PCNT: variants seen among roughly 807,000 people sequenced by gnomAD.
PCNT encodes kendrin.
Under a neutral mutation model 380.4 loss-of-function variants are expected in PCNT, and 319 were observed. That is an observed-to-expected ratio of 0.84 (90% CI 0.77 to 0.92). The LOEUF (loss-of-function observed/expected upper bound fraction) is 0.92, where lower values mean the gene tolerates loss of function less well. Among genes scored for constraint, PCNT ranks in the 40% least tolerant of loss-of-function variants. The pLI, the probability that PCNT is intolerant of heterozygous loss-of-function variation, is 0.00. For synonymous variants in PCNT, 1,845 were observed against 1,735.2 expected (o/e 1.06, Z -1.57); for missense variants, 4,400 against 4,255.3 (o/e 1.03, Z -0.95).
rs1410145899 is a variant in PCNT, at chr21:46,426,082, T to TTC, written c.7320+112_7320+113insCT. 175 of 1,165,912 alleles carry TTC rather than the reference T, an allele frequency of 1.5e-4. 2 individuals are homozygous for TTC. Among genetic ancestry groups the TTC allele is most frequent in the Admixed American group, 6.9e-4 (28 of 40,484 alleles). 72.2% of individuals were successfully genotyped at this position (1,165,912 alleles called of 1,614,324 possible). A position where few individuals can be genotyped will look rare whatever the true frequency, so the allele number is the denominator to read the frequency against. ...TAGGATTTCTTTCTTTTTTTTTTTT[T>TTC]TTTTTTTTTTTTTTGAGACTCGGCT... On this transcript the variant is annotated intron_variant, in intron 33 of 46. Transcript: ENST00000359568.
intron 35 of PCNT, among the ~76,000 whole-genome samples, chr21:46,429,416 G>C (rs28667455): frequency 2.3e-4 from 34 of 146,472 alleles, no homozygotes; most frequent in African/African-American, 8.2e-4. Flanking sequence ...GGCATGGGGG[G>C]GCTGGCGCTG....
chr21:46,402,533 G>C, intron 27 of PCNT, 50 bp downstream of exon 27: 2 of 1,598,800 alleles, frequency 1.3e-6, no homozygotes, highest in East Asian at 2.2e-5. Context: ...TGCTTATGCC[G>C]GTGCCGAGCG....
At chr21:46,341,955 T>TA (rs1395768429) in intron 3 of PCNT, among the ~76,000 whole-genome samples, 2 of 151,380 alleles carry the variant, frequency 1.3e-5, no homozygotes, top group Non-Finnish European at 2.9e-5. Flanking sequence ...TATTTTTTTT[T>TA]TTTTGAGATG....
In PCNT at chr21:46,385,987, A is replaced by C; in HGVS notation, c.3464+4A>C. On this transcript the variant is annotated splice_donor_region_variant and intron_variant, in intron 17 of 46. Coordinates refer to ENST00000359568, the MANE Select transcript of PCNT (RefSeq NM_006031.6). ...TCAACCTGTCCCACAGCGAAAGGTCAGTGTGTCCTCGGCACCGAGGCTGCC... is the reference window on the plus strand; with the variant it reads ...TCAACCTGTCCCACAGCGAAAGGTCCGTGTGTCCTCGGCACCGAGGCTGCC... 1 of 1,614,000 alleles carries C rather than the reference A, an allele frequency of 6.2e-7. No individual in the cohort carries two copies. The highest frequency in any genetic ancestry group is 8.5e-7 in the Non-Finnish European group (1 of 1,180,000).
At chr21:46,360,023 A>T (rs2084647067) in intron 13 of PCNT, among the ~76,000 whole-genome samples, 1 of 150,816 alleles carries the variant, frequency 6.6e-6, no homozygotes, top group African/African-American at 2.4e-5. Context: ...TGCTGAGCTA[A>T]TTTTTGTATT....
chr21:46,336,863 CCA>C (rs1029667294), intron 3 of PCNT, among the ~76,000 whole-genome samples: 1 of 146,080 alleles, frequency 6.8e-6, no homozygotes, highest in African/African-American at 2.5e-5. Flanking sequence ...TAATCCAGCA[CCA>C]CAGAGTTCAT....
intron 15 of PCNT, among the ~76,000 whole-genome samples, chr21:46,372,930 T>C (rs1416983530): frequency 6.6e-6 from 1 of 152,226 alleles, no homozygotes; most frequent in Non-Finnish European, 1.5e-5. Flanking sequence ...TCTGTCCGTT[T>C]TATCTGTGCA....
intron 18 of PCNT, 88 bp from the exon 19 acceptor site, chr21:46,389,111 T>A (rs1443646615): frequency 7.1e-7 from 1 of 1,402,360 alleles, no homozygotes; most frequent in African/African-American, 1.4e-5. Flanking sequence ...ACGTTCTGAG[T>A]TCTGTGGCTT....
intron 27 of PCNT, among the ~76,000 whole-genome samples, chr21:46,405,187 C>G (rs1211285879): frequency 6.6e-6 from 1 of 152,172 alleles, no homozygotes; most frequent in Non-Finnish European, 1.5e-5. Context: ...GAGCTGTGAT[C>G]ATGCCACTGT....
intron 40 of PCNT, among the ~76,000 whole-genome samples, chr21:46,437,330 T>C (rs56962680): frequency 1.7e-4 from 20 of 119,646 alleles, no homozygotes; most frequent in Middle Eastern, 3.8e-3. Flanking sequence ...TGGGATGCTG[T>C]GTGACTGTGT....
chr21:46,430,876 C>T (rs2087729647), intron 37 of PCNT: 17 of 985,248 alleles, frequency 1.7e-5, no homozygotes, highest in South Asian at 9.4e-5. Context: ...CGTGGTGGCA[C>T]GATACCCCTG....
In PCNT at chr21:46,397,240, G is replaced by A. The variant is rs370092528; in HGVS notation, c.4217-25G>A. 1.1e-4 allele frequency: 167 copies of A among 1,587,198 alleles called. No homozygotes were observed. In the Middle Eastern group the frequency reaches 1.2e-3, roughly 11 times the overall value. The stretch of plus-strand genomic sequence containing the variant: ...GCCTCTGAGGTGCGGGGGTGTCCCC[G>A]TGTCTGTCCTGTTTGCATCCTTAGC... On this transcript the variant is annotated intron_variant, in intron 21 of 46. Coordinates refer to ENST00000359568, the MANE Select transcript of PCNT (RefSeq NM_006031.6).
rs756668261 is a variant in PCNT at position 46,428,574 on chromosome 21, C to T, written c.7674C>T (p.His2558=). The T allele has an allele frequency of 1.1e-5, 17 of 1,601,220 alleles. No homozygotes were observed. Among genetic ancestry groups the T allele is most frequent in the Admixed American group, 8.4e-5 (5 of 59,456 alleles). The change falls in exon 35 of 47, where the codon CAC becomes CAT. Residue 2558 remains histidine, a synonymous_variant. Transcript: ENST00000359568. ...SAEARGSQQE[H]QLRRQVELLA... is the part of the protein sequence containing the mutation. Reference sequence around the variant, plus strand: ...AGGCGCGCGGGAGCCAGCAGGAGCACCAGCTGCGCAGGCAGGGTGGGTGTC... The same window carrying T: ...AGGCGCGCGGGAGCCAGCAGGAGCATCAGCTGCGCAGGCAGGGTGGGTGTC...
rs555837114 is a variant in PCNT at position 46,346,329 on chromosome 21, T to C, written c.720+121T>C. 1.0e-4 allele frequency: 85 copies of C among 834,320 alleles called. No homozygotes were observed. The South Asian group carries it at 1.2e-3, about 12-fold the overall frequency. The allele number at this position is 834,320 out of a possible 1,614,324, so 51.7% of individuals were successfully genotyped here. On this transcript the variant is annotated intron_variant, in intron 4 of 46. Coordinates refer to ENST00000359568, the MANE Select transcript of PCNT (RefSeq NM_006031.6). ...ATCTCCTTTCTCTGAGTTGTCTGTTTCCACGTTCTGTGTGTGGGGCCATCA... is the reference window on the plus strand; with the variant it reads ...ATCTCCTTTCTCTGAGTTGTCTGTTCCCACGTTCTGTGTGTGGGGCCATCA...
At chr21:46,363,226 C>T (rs2084780643) in intron 13 of PCNT, among the ~76,000 whole-genome samples, 1 of 152,124 alleles carries the variant, frequency 6.6e-6, no homozygotes. Flanking sequence ...CTGTCAAGGC[C>T]ACGGGCTCCA....
At chr21:46,356,948 G>A in intron 12 of PCNT, 26 bp from the exon 13 acceptor site, 2 of 1,608,136 alleles carry the variant, frequency 1.2e-6, no homozygotes, top group Non-Finnish European at 1.7e-6. Flanking sequence ...CGGCCTGACT[G>A]TCTTCCCTGC....
chr21:46,360,348 C>T (rs1384407335), intron 13 of PCNT, among the ~76,000 whole-genome samples: 1 of 149,122 alleles, frequency 6.7e-6, no homozygotes, highest in East Asian at 2.0e-4. Context: ...TCAGCCTCTC[C>T]GAGTAGCTGG....
chr21:46,382,016 C>T (rs1296160901), intron 16 of PCNT, among the ~76,000 whole-genome samples, 176 bp downstream of exon 16: 5 of 151,216 alleles, frequency 3.3e-5, no homozygotes, highest in Admixed American at 2.0e-4. Flanking sequence ...GTGGCGGAAG[C>T]GCATTCACGG....
intron 30 of PCNT, among the ~76,000 whole-genome samples, chr21:46,417,756 T>C (rs915978352): frequency 4.6e-5 from 7 of 151,864 alleles, no homozygotes; most frequent in African/African-American, 1.7e-4. Context: ...CACAAAAAAT[T>C]AGCTGGGCGT....
Sources: gnomAD v4.1 joint callset for allele counts (sites outside exome capture counted in the v4.1 genomes callset) on GRCh38, gnomAD v4.1.1 for gene constraint, MANE v1.5 for transcripts, NCBI Gene and HGNC (gene_info 2026-07-23, HGNC 2026-07-21) for gene names.